ENOX2: variants seen among roughly 807,000 people sequenced by gnomAD.
ENOX2 encodes the protein ecto-NOX disulfide-thiol exchanger 2.
In ENOX2, 36 loss-of-function variants were observed where a neutral mutation model predicts 45.0. That is an observed-to-expected ratio of 0.80 (90% confidence interval 0.61 to 1.06). The LOEUF (loss-of-function observed/expected upper bound fraction) is 1.06. Among genes scored for constraint, ENOX2 ranks in the 50% least tolerant of loss-of-function variants. ENOX2 has a pLI of 0.00. For synonymous variants in ENOX2, 174 were observed against 152.3 expected, an observed-to-expected ratio of 1.14 and a Z score of -1.05; for missense variants, 423 against 462.5, an observed-to-expected ratio of 0.91 and a Z score of 0.78.
chrX:130,655,259 T>C (rs1222454963), intron 10 of ENOX2, among the ~76,000 whole-genome samples: 1 of 112,476 alleles, frequency 8.9e-6, no homozygotes, highest in Non-Finnish European at 1.9e-5. Context: ...TAGCAGTTTG[T>C]ATGTTTAGGG....
chrX:130,839,688 T>C (rs1447345682), intron 2 of ENOX2, among the ~76,000 whole-genome samples: 1 of 111,422 alleles, frequency 9.0e-6, no homozygotes. Flanking sequence ...GAGGGCTGTA[T>C]TGAGCAAGAC....
At chrX:130,812,582 G>A (rs1234954063) in intron 2 of ENOX2, among the ~76,000 whole-genome samples, 1 of 111,673 alleles carries the variant, frequency 9.0e-6, no homozygotes, top group African/African-American at 3.3e-5. Flanking sequence ...ACAACCAGAA[G>A]ACAATGAACA....
chrX:130,670,234 G>A (rs1015330792), intron 6 of ENOX2, 36 bp from the exon 7 acceptor site: 1 of 980,013 alleles, frequency 1.0e-6, no homozygotes, highest in Non-Finnish European at 1.4e-6. Flanking sequence ...AGAGGAGAGA[G>A]GGAGAGAAGG....
chrX:130,798,320 T>C (rs974354433), intron 2 of ENOX2, among the ~76,000 whole-genome samples: 5 of 112,734 alleles, frequency 4.4e-5, no homozygotes, highest in Middle Eastern at 4.6e-3. Context: ...GCAGCCAGAA[T>C]TGAGAAACAC....
rs138197584 is a variant in ENOX2, at chrX:130,653,316, T to C, written c.1129+3265A>G. ...TAATTGAAGATTATCTTTTAAAATG[T>C]ATAATTCATGTTGCTTTCATCATAT... On this transcript the variant is annotated intron_variant, in intron 10 of 14. Coordinates refer to ENST00000394363, the MANE Select transcript of ENOX2 (RefSeq NM_006375.4). Among the ~76,000 whole-genome samples, 376 of 112,205 alleles carry C rather than the reference T, an allele frequency of 3.4e-3. 1 individual carries two copies. The highest frequency in any genetic ancestry group is 0.012 in the African/African-American group (362 of 30,888).
intron 4 of ENOX2, among the ~76,000 whole-genome samples, chrX:130,689,925 C>T (rs2037548719): frequency 9.0e-6 from 1 of 111,254 alleles, no homozygotes; most frequent in Admixed American, 9.6e-5. Flanking sequence ...TCACGCGATA[C>T]CATGAAAGAA....
intron 3 of ENOX2, among the ~76,000 whole-genome samples, chrX:130,738,811 C>T (rs936437265): frequency 4.5e-5 from 5 of 112,226 alleles, no homozygotes; most frequent in African/African-American, 1.3e-4. Flanking sequence ...TTCATTAACT[C>T]ACCCCATGGG....
intron 3 of ENOX2, among the ~76,000 whole-genome samples, chrX:130,721,604 T>C (rs1017586243): frequency 1.3e-4 from 15 of 111,556 alleles, no homozygotes; most frequent in African/African-American, 4.9e-4. Context: ...TTACTGGCTA[T>C]AGGAGACTCG....
chrX:130,823,894 G>T (rs2077666500), intron 2 of ENOX2, among the ~76,000 whole-genome samples: 1 of 112,066 alleles, frequency 8.9e-6, no homozygotes, highest in African/African-American at 3.2e-5. Flanking sequence ...CCCTCCAAGA[G>T]ATATTAGTAG....
At chrX:130,626,669 T>C (rs959557733) in intron 14 of ENOX2, among the ~76,000 whole-genome samples, 1 of 111,872 alleles carries the variant, frequency 8.9e-6, no homozygotes, top group Admixed American at 9.5e-5. Flanking sequence ...AATTGCAGAA[T>C]AGCATCACTT....
chrX:130,852,485 T>A lies in ENOX2; in HGVS notation c.-183+49199A>T, dbSNP rs6637776. On this transcript the variant is annotated intron_variant, in intron 2 of 14. Coordinates refer to ENST00000394363, the MANE Select transcript of ENOX2 (RefSeq NM_006375.4). The stretch of plus-strand genomic sequence containing the variant: ...TGAAAAATAAAATATCACATAGTGA[T>A]AAGTGATATAAAGAAAATAAAGCAG... Among the ~76,000 whole-genome samples, 763 of 111,716 alleles carry A rather than the reference T, an allele frequency of 6.8e-3. 12 individuals carry two copies. The East Asian group carries it at 0.12, about 17-fold the overall frequency.
intron 3 of ENOX2, among the ~76,000 whole-genome samples, chrX:130,773,497 C>T (rs1051498135): frequency 1.8e-5 from 2 of 112,271 alleles, no homozygotes. Context: ...TGAGTTTATA[C>T]ATGTAAAGCA....
chrX:130,749,006 C>T (rs1232769464), intron 3 of ENOX2, among the ~76,000 whole-genome samples: 1 of 111,927 alleles, frequency 8.9e-6, no homozygotes, highest in Non-Finnish European at 1.9e-5. Flanking sequence ...CTTTGCATAG[C>T]TTTCTTCTTC....
intron 3 of ENOX2, among the ~76,000 whole-genome samples, chrX:130,704,728 A>T (rs1023954659): frequency 2.7e-5 from 3 of 112,157 alleles, no homozygotes; most frequent in Non-Finnish European, 5.6e-5. Flanking sequence ...TATTTCTGAA[A>T]TATTAGTTTT....
At chrX:130,774,090 C>T (rs1354657960) in intron 3 of ENOX2, among the ~76,000 whole-genome samples, 1 of 112,315 alleles carries the variant, frequency 8.9e-6, no homozygotes, top group Non-Finnish European at 1.9e-5. Context: ...ACTTTACCAT[C>T]TTTTGGTCTA....
intron 2 of ENOX2, among the ~76,000 whole-genome samples, chrX:130,786,365 T>G (rs1204615030): frequency 1.8e-5 from 2 of 112,045 alleles, no homozygotes; most frequent in African/African-American, 6.5e-5. Context: ...AGGTTCTGAT[T>G]AATGACGGTG....
intron 4 of ENOX2, among the ~76,000 whole-genome samples, chrX:130,691,486 G>T (rs1158182169): frequency 8.9e-6 from 1 of 111,844 alleles, no homozygotes; most frequent in Non-Finnish European, 1.9e-5. Context: ...TAAGGCTTCC[G>T]ATACCCTGTC....
At chrX:130,740,753 G>C (rs1356799540) in intron 3 of ENOX2, among the ~76,000 whole-genome samples, 1 of 112,030 alleles carries the variant, frequency 8.9e-6, no homozygotes, top group Non-Finnish European at 1.9e-5. Context: ...AGTGCTCAAA[G>C]GGCTGTCTGC....
At chrX:130,776,782 A>G (rs1406920328) in intron 3 of ENOX2, among the ~76,000 whole-genome samples, 1 of 111,783 alleles carries the variant, frequency 8.9e-6, no homozygotes, top group Non-Finnish European at 1.9e-5. Flanking sequence ...GGGATGGAGG[A>G]CACAAACTGT....
Sources: gnomAD v4.1 joint callset for allele counts (sites outside exome capture counted in the v4.1 genomes callset) on GRCh38, gnomAD v4.1.1 for gene constraint, MANE v1.5 for transcripts, NCBI Gene and HGNC (gene_info 2026-07-23, HGNC 2026-07-21) for gene names.